The following MFHAS1 variants were observed in gnomAD, a reference collection of about 807,000 sequenced individuals.
MFHAS1 encodes malignant fibrous histiocytoma-amplified sequence 1.
A neutral mutation model predicts 70.4 loss-of-function variants in MFHAS1; 50 were observed. The observed-to-expected ratio is 0.71, with a 90% CI of 0.57 to 0.90. The LOEUF (loss-of-function observed/expected upper bound fraction) is 0.90. MFHAS1 is among the 40% of genes least tolerant of loss of function. The probability of loss-of-function intolerance (pLI) is 0.00; values close to 1 mark genes in which losing one functional copy is unlikely to be tolerated. For missense variants in MFHAS1, 1,795 were observed against 1,347.6 expected, an observed-to-expected ratio of 1.33 and a Z score of -5.20; for synonymous variants, 952 against 620.0, an observed-to-expected ratio of 1.54 and a Z score of -7.96.
intron 1 of MFHAS1, among the ~76,000 whole-genome samples, chr8:8,855,394 T>A (rs529621256): frequency 2.6e-5 from 4 of 152,238 alleles, no homozygotes; most frequent in African/African-American, 9.6e-5. Flanking sequence ...CAATGGAGGA[T>A]TGGAGGCGCT....
In MFHAS1 at chr8:8,797,368, G is replaced by T. The variant is rs751219624; in HGVS notation, c.3122C>A (p.Ser1041Tyr). 2 of 1,613,876 alleles carry T rather than the reference G, an allele frequency of 1.2e-6. No homozygotes were observed. Among genetic ancestry groups the T allele is most frequent in the African/African-American group, 1.3e-5 (1 of 74,888 alleles). ...PPTPTVISPC[S>Y]KKNVGEKHRN... The stretch of plus-strand genomic sequence containing the variant: ...CAGAGGGACTTTGAGAACTCACTTG[G>T]AACAGGGGCTGATCACAGTCGGCGT... Residue 1041 changes from serine (S) to tyrosine (Y), a missense_variant, in exon 2 of 3, where the codon TCC becomes TAC. Transcript: ENST00000276282.
At chr8:8,825,057 G>C (rs139720009) in intron 1 of MFHAS1, among the ~76,000 whole-genome samples, 5 of 152,240 alleles carry the variant, frequency 3.3e-5, no homozygotes, top group African/African-American at 1.2e-4. Context: ...CTGTCCTAGA[G>C]ATTCTGCAAA....
chr8:8,879,953 A>G (rs7829137), intron 1 of MFHAS1, among the ~76,000 whole-genome samples: 1 of 152,334 alleles, frequency 6.6e-6, no homozygotes, highest in South Asian at 2.1e-4. Flanking sequence ...TAAACTTAAA[A>G]TTTATCTTTA....
intron 1 of MFHAS1, among the ~76,000 whole-genome samples, chr8:8,819,396 G>C (rs1806862559): frequency 6.6e-6 from 1 of 152,070 alleles, no homozygotes; most frequent in African/African-American, 2.4e-5. Flanking sequence ...ACGAGGTCAG[G>C]AGATCGAGAC....
intron 2 of MFHAS1, among the ~76,000 whole-genome samples, chr8:8,795,736 C>T (rs956783895): frequency 6.6e-6 from 1 of 152,160 alleles, no homozygotes; most frequent in Middle Eastern, 3.2e-3. Context: ...GGGAAGCTGC[C>T]ATGTGAGGGG....
At position 8,850,215 on chromosome 8, in the gene MFHAS1, T is replaced by C. The variant is rs572923583; in HGVS notation, c.2998+39846A>G. Among the ~76,000 whole-genome samples the C allele has an allele frequency of 5.3e-5, 8 of 152,336 alleles. No individual in the cohort carries two copies. The East Asian group carries it at 1.5e-3, about 29-fold the overall frequency. ...CTCACCTACACCCCTTGTAAACTAT[T>C]AACTCTCAGCTACACCCCTTGGTAA... On this transcript the variant is annotated intron_variant, in intron 1 of 2. Coordinates refer to ENST00000276282, the MANE Select transcript of MFHAS1 (RefSeq NM_004225.3).
At chr8:8,854,660 G>C (rs567248289) in intron 1 of MFHAS1, among the ~76,000 whole-genome samples, 370 of 148,578 alleles carry the variant, frequency 2.5e-3, no homozygotes, top group African/African-American at 8.9e-3. Context: ...ACTCCAGCCT[G>C]GATGACAGAG....
chr8:8,881,121 T>G (rs149097912), intron 1 of MFHAS1, among the ~76,000 whole-genome samples: 8 of 152,322 alleles, frequency 5.3e-5, no homozygotes, highest in African/African-American at 1.7e-4. Flanking sequence ...GACTCTTTGC[T>G]TCTATAAATT....
At chr8:8,846,296 TAAG>T (rs1808033583) in intron 1 of MFHAS1, among the ~76,000 whole-genome samples, 1 of 65,454 alleles carries the variant, frequency 1.5e-5, no homozygotes, top group Non-Finnish European at 2.6e-5. Context: ...GGGAGGAGGA[TAAG>T]AAGGAGGAGG....
At chr8:8,814,835 G>T (rs1239460951) in intron 1 of MFHAS1, among the ~76,000 whole-genome samples, 1 of 148,126 alleles carries the variant, frequency 6.8e-6, no homozygotes, top group Non-Finnish European at 1.5e-5. Flanking sequence ...ACTACTTCAT[G>T]CCTGCTAGAA....
At chr8:8,884,784 A>G (rs1793759708) in intron 1 of MFHAS1, among the ~76,000 whole-genome samples, 1 of 152,154 alleles carries the variant, frequency 6.6e-6, no homozygotes, top group South Asian at 2.1e-4. Flanking sequence ...CCCTGTCTCT[A>G]CAAAACAACA....
intron 1 of MFHAS1, among the ~76,000 whole-genome samples, chr8:8,851,487 C>G (rs542248371): frequency 6.6e-6 from 1 of 152,130 alleles, no homozygotes. Flanking sequence ...TCAAACTCTA[C>G]GTGTGGAGTT....
At chr8:8,817,982 G>C (rs1225061401) in intron 1 of MFHAS1, among the ~76,000 whole-genome samples, 1 of 152,096 alleles carries the variant, frequency 6.6e-6, no homozygotes, top group Non-Finnish European at 1.5e-5. Flanking sequence ...CTGTGGCCCG[G>C]GGACTGAGGA....
intron 1 of MFHAS1, among the ~76,000 whole-genome samples, chr8:8,830,118 C>G (rs1457765449): frequency 6.6e-6 from 1 of 152,146 alleles, no homozygotes; most frequent in African/African-American, 2.4e-5. Flanking sequence ...CTCTCCAATC[C>G]TGGGATCTGT....
intron 1 of MFHAS1, among the ~76,000 whole-genome samples, chr8:8,802,920 G>C (rs1377195463): frequency 6.6e-6 from 1 of 152,218 alleles, no homozygotes; most frequent in African/African-American, 2.4e-5. Flanking sequence ...CTGAGTTGCT[G>C]CTGAACTTGC....
intron 1 of MFHAS1, among the ~76,000 whole-genome samples, chr8:8,862,052 A>G (rs1181943963): frequency 6.6e-6 from 1 of 152,238 alleles, no homozygotes; most frequent in East Asian, 1.9e-4. Context: ...TTAACTCAGA[A>G]TGAAATTGCT....
chr8:8,832,457 AGC>A (rs140174306), intron 1 of MFHAS1, among the ~76,000 whole-genome samples: 7 of 142,170 alleles, frequency 4.9e-5, no homozygotes, highest in Admixed American at 4.8e-4. Context: ...ACACACACAG[AGC>A]CAGTAACCAC....
At chr8:8,828,836 T>C (rs996185664) in intron 1 of MFHAS1, among the ~76,000 whole-genome samples, 2 of 152,188 alleles carry the variant, frequency 1.3e-5, no homozygotes, top group African/African-American at 4.8e-5. Flanking sequence ...TTTGCTGCTT[T>C]AGATTTATGA....
chr8:8,813,404 C>G (rs1389174391), intron 1 of MFHAS1, among the ~76,000 whole-genome samples: 1 of 152,008 alleles, frequency 6.6e-6, no homozygotes, highest in Non-Finnish European at 1.5e-5. Context: ...GGAGGTGTTC[C>G]AGGAGAAGGC....
Sources: gnomAD v4.1 joint callset for allele counts (sites outside exome capture counted in the v4.1 genomes callset) on GRCh38, gnomAD v4.1.1 for gene constraint, MANE v1.5 for transcripts, NCBI Gene and HGNC (gene_info 2026-07-23, HGNC 2026-07-21) for gene names.